The following USH2A variants were observed in gnomAD, a reference collection of about 807,000 sequenced individuals.
The protein encoded by USH2A is Usher syndrome 2A (autosomal recessive, mild).
Under a neutral mutation model 538.9 loss-of-function variants are expected in USH2A, and 443 were observed. That is an observed-to-expected ratio of 0.82 (90% CI 0.76 to 0.89). The LOEUF (loss-of-function observed/expected upper bound fraction) is 0.89. Ranked by LOEUF, USH2A falls within the 40% of genes least tolerant of loss-of-function variation. The pLI is 0.00. For synonymous variants in USH2A, 2,413 were observed against 2,273.5 expected, an observed-to-expected ratio of 1.06 and a Z score of -1.75; for missense variants, 6,633 against 6,324.8, an observed-to-expected ratio of 1.05 and a Z score of -1.65.
intron 32 of USH2A, among the ~76,000 whole-genome samples, chr1:216,012,659 G>A (rs1311566709): frequency 1.2e-4 from 19 of 152,064 alleles, no homozygotes; most frequent in African/African-American, 7.2e-5. Context: ...TCCGTCTTCA[G>A]GAAAAGTAGA....
In USH2A at chr1:216,198,118, C is replaced by A. The variant is rs536809531; in HGVS notation, c.4081+197G>T. ...ATAACTAAAGCATTTACTTTTGCCC[C>A]CTAGAACTTGCTGCAAGTACTTTAT... On this transcript the variant is annotated intron_variant, in intron 18 of 71. Transcript: ENST00000307340. Among the ~76,000 whole-genome samples, 10 of 152,170 alleles carry A rather than the reference C, an allele frequency of 6.6e-5. No individual in the cohort carries two copies. The South Asian group carries it at 1.5e-3, about 22-fold the overall frequency.
At chr1:216,277,654 T>C (rs2036696477) in intron 11 of USH2A, among the ~76,000 whole-genome samples, 1 of 152,148 alleles carries the variant, frequency 6.6e-6, no homozygotes, top group Non-Finnish European at 1.5e-5. Context: ...TCTTCAATAG[T>C]ACACAAATGT....
At chr1:216,288,336 A>G (rs2036929357) in intron 11 of USH2A, among the ~76,000 whole-genome samples, 1 of 152,106 alleles carries the variant, frequency 6.6e-6, no homozygotes, top group South Asian at 2.1e-4. Context: ...TTTCTAATGA[A>G]GCATGTAATG....
chr1:215,838,058 G>A lies in USH2A; in HGVS notation c.9304C>T (p.Gln3102Ter), dbSNP rs397518046. The A allele has an allele frequency of 2.5e-6, 4 of 1,613,822 alleles. No homozygotes were observed. The highest frequency in any genetic ancestry group is 1.7e-5 in the Admixed American group (1 of 59,964). Residue 3102 changes from glutamine (Q) to a stop codon, truncating the protein, a stop_gained, in exon 47 of 72, where the codon CAA (glutamine) becomes TAA (stop). Coordinates refer to ENST00000307340, the MANE Select transcript of USH2A (RefSeq NM_206933.4). LOFTEE classifies it high-confidence loss of function. ...GGAGTGTCTTCCACAGTGGTAATTT[G>A]GGTTCCATTGCTTTTCACGCAGGCA... Reference protein sequence around the residue: ...IYACVKSNGTQITTVEDTPSD... With the variant: ...IYACVKSNGT
At chr1:215,732,544 C>CTTTTTTTTTTTTTTTTTTTTTTTT (rs141549439) in intron 60 of USH2A, among the ~76,000 whole-genome samples, 14 of 73,586 alleles carry the variant, frequency 1.9e-4, no homozygotes, top group African/African-American at 7.3e-4. Flanking sequence ...TTTTTTCTTT[C>CTTTTTTTTTTTTTTTTTTTTTTTT]TTTTTTTTTT....
intron 70 of USH2A, among the ~76,000 whole-genome samples, chr1:215,633,917 G>C (rs987363346): frequency 2.0e-5 from 3 of 152,122 alleles, no homozygotes; most frequent in African/African-American, 7.2e-5. Context: ...GTGGTCTATA[G>C]CTAAGAGGAG....
chr1:216,188,018 A>G (rs146718140), intron 20 of USH2A, among the ~76,000 whole-genome samples: 245 of 152,064 alleles, frequency 1.6e-3, no homozygotes, highest in African/African-American at 5.7e-3. Context: ...TTTAGCGAAT[A>G]TAAGTTTCCA....
intron 3 of USH2A, among the ~76,000 whole-genome samples, chr1:216,411,952 C>A (rs774712681): frequency 3.3e-5 from 5 of 152,032 alleles, no homozygotes; most frequent in Admixed American, 1.3e-4. Flanking sequence ...GTGGTTTGAC[C>A]AAATCATTCT....
At chr1:216,364,294 A>C (rs989687046) in intron 4 of USH2A, among the ~76,000 whole-genome samples, 1 of 152,108 alleles carries the variant, frequency 6.6e-6, no homozygotes, top group Non-Finnish European at 1.5e-5. Flanking sequence ...AATTCTCTAC[A>C]TGAAAATGCA....
intron 10 of USH2A, among the ~76,000 whole-genome samples, chr1:216,291,644 T>C (rs2037003975): frequency 6.6e-6 from 1 of 152,208 alleles, no homozygotes; most frequent in African/African-American, 2.4e-5. Context: ...ATAAGGATGG[T>C]ATTTTTCAAT....
chr1:216,410,807 C>T (rs569955715), intron 3 of USH2A, among the ~76,000 whole-genome samples: 15 of 152,078 alleles, frequency 9.9e-5, no homozygotes, highest in Non-Finnish European at 1.6e-4. Context: ...CATCAACAAG[C>T]CCTTTAATTT....
At chr1:216,288,226 T>G (rs1412008195) in intron 11 of USH2A, among the ~76,000 whole-genome samples, 1 of 152,142 alleles carries the variant, frequency 6.6e-6, no homozygotes, top group Non-Finnish European at 1.5e-5. Context: ...AATTAATATA[T>G]GGAAAACTGT....
At chr1:215,672,374 T>C (rs1448240140) in intron 63 of USH2A, among the ~76,000 whole-genome samples, 1 of 152,162 alleles carries the variant, frequency 6.6e-6, no homozygotes, top group Non-Finnish European at 1.5e-5. Flanking sequence ...TTTGCTTTCT[T>C]AATTACACCT....
At chr1:216,047,791 G>C (rs751876469) in intron 31 of USH2A, among the ~76,000 whole-genome samples, 21 of 152,284 alleles carry the variant, frequency 1.4e-4, no homozygotes, top group Non-Finnish European at 3.1e-4. Flanking sequence ...TATAAGATAT[G>C]TACAATTCCT....
Position 215,881,281 on chromosome 1 carries a change from T to C in USH2A, c.8224-2183A>G, listed in dbSNP as rs1571776166. ...TCAGCCCCCTGAGTGGCTAGGAGTA[T>C]ACGCGTGTGCTACCACACCCGGCTA... On this transcript the variant is annotated intron_variant, in intron 41 of 71. Transcript: ENST00000307340. Among the ~76,000 whole-genome samples, 5 of 152,212 alleles carry C rather than the reference T, an allele frequency of 3.3e-5. No homozygotes were observed. In the South Asian group the frequency reaches 6.2e-4, roughly 19 times the overall value.
intron 21 of USH2A, among the ~76,000 whole-genome samples, chr1:216,109,081 C>T (rs1441615867): frequency 6.6e-6 from 1 of 152,050 alleles, no homozygotes; most frequent in East Asian, 1.9e-4. Context: ...GGGGACTTGG[C>T]TGGGACTATA....
chr1:216,199,642 G>A lies in USH2A; in HGVS notation c.3796C>T (p.Pro1266Ser), dbSNP rs922789033. 6.2e-7 allele frequency: 1 copy of A among 1,613,920 alleles called. No individual in the cohort carries two copies. Reference sequence around the variant, plus strand: ...GGATTCTTACCATTTAGTTCCGCTGGTGGAGACCATTCTACATGAAGTTCT... The same window carrying A: ...GGATTCTTACCATTTAGTTCCGCTGATGGAGACCATTCTACATGAAGTTCT... ...STELHVEWSP[P>S]AELNGIIIRY... Residue 1266 changes from proline to serine, a missense_variant, in exon 17 of 72, where the codon CCA (proline) becomes TCA (serine). Transcript: ENST00000307340.
intron 32 of USH2A, among the ~76,000 whole-genome samples, chr1:216,028,353 CA>C (rs1469890344): frequency 2.0e-5 from 3 of 151,890 alleles, no homozygotes; most frequent in African/African-American, 4.8e-5. Context: ...TTCTACTACA[CA>C]CCAGCCTGGG....
At chr1:216,213,914 G>T (rs753823659) in intron 15 of USH2A, among the ~76,000 whole-genome samples, 1 of 151,988 alleles carries the variant, frequency 6.6e-6, no homozygotes, top group African/African-American at 2.4e-5. Context: ...AAGATACTTT[G>T]CCAAAAATCA....
Sources: gnomAD v4.1 joint callset for allele counts (sites outside exome capture counted in the v4.1 genomes callset) on GRCh38, gnomAD v4.1.1 for gene constraint, MANE v1.5 for transcripts, NCBI Gene and HGNC (gene_info 2026-07-23, HGNC 2026-07-21) for gene names.